The following CDH18 variants were observed in gnomAD, a reference collection of about 807,000 sequenced individuals.
The protein encoded by CDH18 is cadherin 18, also known as cadherin-18.
Under a neutral mutation model 67.9 loss-of-function variants are expected in CDH18, and 31 were observed. The observed-to-expected ratio is 0.46, with a 90% confidence interval of 0.34 to 0.62. The LOEUF is 0.62. Among genes scored for constraint, CDH18 ranks in the 20% least tolerant of loss-of-function variants. The pLI, the probability that CDH18 is intolerant of heterozygous loss-of-function variation, is 0.01. For missense variants in CDH18, 890 were observed against 975.5 expected (o/e 0.91, Z 1.17); for synonymous variants, 362 against 347.2 (o/e 1.04, Z -0.48).
chr5:20,132,794 C>T (rs888929344), intron 2 of CDH18, among the ~76,000 whole-genome samples: 1 of 152,144 alleles, frequency 6.6e-6, no homozygotes, highest in African/African-American at 2.4e-5. Flanking sequence ...CATTTCACTT[C>T]TTGATATGCA....
chr5:20,087,034 G>T (rs1218113925), intron 2 of CDH18, among the ~76,000 whole-genome samples: 1 of 152,106 alleles, frequency 6.6e-6, no homozygotes, highest in East Asian at 1.9e-4. Context: ...TTTTCTAGAT[G>T]CCATTAAAAT....
intron 5 of CDH18, among the ~76,000 whole-genome samples, chr5:19,657,502 T>G (rs1156330817): frequency 1.3e-5 from 2 of 152,148 alleles, no homozygotes; most frequent in Admixed American, 6.6e-5. Context: ...AAATACAGTT[T>G]GAAATTTATA....
chr5:19,997,490 T>A (rs565072904), intron 2 of CDH18, among the ~76,000 whole-genome samples: 109 of 152,240 alleles, frequency 7.2e-4, no homozygotes, highest in Non-Finnish European at 1.3e-4. Context: ...TGCCGGACAA[T>A]CTCAAGCATT....
At chr5:19,817,293 T>C (rs772919221) in intron 3 of CDH18, among the ~76,000 whole-genome samples, 15 of 151,984 alleles carry the variant, frequency 9.9e-5, no homozygotes, top group Non-Finnish European at 1.9e-4. Context: ...TACTGCAACA[T>C]CTATGGAGGA....
chr5:19,748,922 A>G (rs1320871683), intron 3 of CDH18, among the ~76,000 whole-genome samples: 1 of 152,102 alleles, frequency 6.6e-6, no homozygotes, highest in Non-Finnish European at 1.5e-5. Flanking sequence ...AACAGATGAA[A>G]CCATTTAAAA....
intron 1 of CDH18, among the ~76,000 whole-genome samples, chr5:20,515,307 TAAAAAAA>T (rs5866433): frequency 8.3e-6 from 1 of 121,196 alleles, no homozygotes; most frequent in Non-Finnish European, 1.8e-5. Context: ...AAGAGAGTAA[TAAAAAAA>T]AAAAAAAGGA....
chr5:20,152,236 A>C (rs2126574090), intron 2 of CDH18, among the ~76,000 whole-genome samples: 1 of 145,602 alleles, frequency 6.9e-6, no homozygotes, highest in Admixed American at 7.0e-5. Flanking sequence ...TGTAATATAT[A>C]ATTATATATA....
chr5:19,621,027 T>C (rs148779561), intron 5 of CDH18, among the ~76,000 whole-genome samples: 36 of 152,200 alleles, frequency 2.4e-4, no homozygotes, highest in Admixed American at 5.9e-4. Context: ...AGAGACTATC[T>C]AAATATGGCA....
chr5:20,218,507 A>G (rs1468278889), intron 2 of CDH18, among the ~76,000 whole-genome samples: 1 of 151,980 alleles, frequency 6.6e-6, no homozygotes. Flanking sequence ...CCTATGTGAT[A>G]CCTTAAGAGC....
intron 2 of CDH18, among the ~76,000 whole-genome samples, chr5:20,169,646 G>C (rs1400600938): frequency 2.0e-5 from 3 of 152,054 alleles, no homozygotes; most frequent in Non-Finnish European, 4.4e-5. Context: ...ATCTCAAACA[G>C]TTCATGGCCT....
chr5:20,521,932 A>G (rs961371110), intron 1 of CDH18, among the ~76,000 whole-genome samples: 27 of 152,320 alleles, frequency 1.8e-4, no homozygotes, highest in African/African-American at 5.5e-4. Flanking sequence ...ATTGTAGTCA[A>G]CTTTTTCTGT....
At chr5:19,999,800 A>C (rs1736299876) in intron 2 of CDH18, among the ~76,000 whole-genome samples, 2 of 152,180 alleles carry the variant, frequency 1.3e-5, no homozygotes, top group Non-Finnish European at 2.9e-5. Flanking sequence ...GCATGAGGCC[A>C]ATTCTGAATA....
intron 8 of CDH18, among the ~76,000 whole-genome samples, chr5:19,566,367 G>A (rs347709): frequency 0.065 from 9,838 of 152,242 alleles, 345 homozygotes; most frequent in Non-Finnish European, 0.076. Flanking sequence ...CAATCCTGCT[G>A]CTATGTTTAT....
At chr5:20,220,608 G>A (rs1340928266) in intron 2 of CDH18, among the ~76,000 whole-genome samples, 3 of 151,846 alleles carry the variant, frequency 2.0e-5, no homozygotes, top group East Asian at 3.9e-4. Flanking sequence ...GTCAATCAGG[G>A]CAAAAATGGA....
intron 3 of CDH18, among the ~76,000 whole-genome samples, chr5:19,779,886 A>G (rs1774896872): frequency 6.6e-6 from 1 of 152,184 alleles, no homozygotes; most frequent in Non-Finnish European, 1.5e-5. Flanking sequence ...TTTGGCCTCA[A>G]AATAAGACAT....
chr5:20,304,418 G>T, intron 1 of CDH18: 1 of 1,436,908 alleles, frequency 7.0e-7, no homozygotes, highest in Non-Finnish European at 9.8e-7. Flanking sequence ...TACTACTTTG[G>T]GTAGCTCATG....
intron 7 of CDH18, among the ~76,000 whole-genome samples, chr5:19,578,216 T>C (rs1742639500): frequency 6.6e-6 from 1 of 152,232 alleles, no homozygotes; most frequent in Non-Finnish European, 1.5e-5. Flanking sequence ...CTGCTTTATG[T>C]AGAAACATAG....
intron 5 of CDH18, among the ~76,000 whole-genome samples, chr5:19,691,356 C>T (rs1227072570): frequency 1.3e-5 from 2 of 151,860 alleles, no homozygotes; most frequent in African/African-American, 4.8e-5. Context: ...ACTTTCACAA[C>T]TCCTATTCAA....
At chr5:19,699,813 C>T (rs1033400853) in intron 5 of CDH18, among the ~76,000 whole-genome samples, 1 of 151,964 alleles carries the variant, frequency 6.6e-6, no homozygotes, top group South Asian at 2.1e-4. Context: ...GTTGTTTAAG[C>T]CACCCAGTCT....
Sources: allele counts gnomAD v4.1 joint callset (sites outside exome capture counted in the v4.1 genomes callset), GRCh38; gene constraint gnomAD v4.1.1; transcripts MANE v1.5; gene names NCBI Gene and HGNC (gene_info 2026-07-23, HGNC 2026-07-21).